ALDH3B1: variants seen among roughly 807,000 people sequenced by gnomAD.
The protein encoded by ALDH3B1 is aldehyde dehydrogenase 3 family member B1.
In ALDH3B1, 37 loss-of-function variants were observed where a neutral mutation model predicts 46.2. That is an observed-to-expected ratio of 0.80 (90% CI 0.62 to 1.05). The LOEUF is 1.05. ALDH3B1 is among the 50% of genes least tolerant of loss of function. ALDH3B1 has a pLI of 0.00. For synonymous variants in ALDH3B1, 283 were observed against 281.0 expected (o/e 1.01, Z -0.07); for missense variants, 603 against 665.5 (o/e 0.91, Z 1.03).
rs1857433629 is a variant in ALDH3B1, at chr11:68,019,363, C to G, written c.480+108C>G. On this transcript the variant is annotated intron_variant, in intron 5 of 9. Coordinates refer to ENST00000342456, the MANE Select transcript of ALDH3B1 (RefSeq NM_000694.4). Reference sequence around the variant, plus strand: ...GTCAGACCCGAGTCCCCACCTCAATCCTGCCTCTTCTGAGTTGTGTAAACT... The same window carrying G: ...GTCAGACCCGAGTCCCCACCTCAATGCTGCCTCTTCTGAGTTGTGTAAACT... The G allele has an allele frequency of 6.4e-6, 6 of 943,838 alleles. No homozygotes were observed. In the Admixed American group the frequency reaches 1.2e-4, roughly 19 times the overall value. The allele number at this position is 943,838 out of a possible 1,614,324, so 58.5% of individuals were successfully genotyped here.
In ALDH3B1 at chr11:68,023,254, C is replaced by T. The variant is rs181283301; in HGVS notation, c.1116+493C>T. On this transcript the variant is annotated intron_variant, in intron 8 of 9. Coordinates refer to ENST00000342456, the MANE Select transcript of ALDH3B1 (RefSeq NM_000694.4). The stretch of plus-strand genomic sequence containing the variant: ...AGGTACCAGCAGTCCCTACCCACCC[C>T]GCCCCCTTCCCCGGCCCTCAGCCAG... Among the ~76,000 whole-genome samples the T allele has an allele frequency of 1.1e-3, 166 of 152,134 alleles. 2 individuals are homozygous for T. Among genetic ancestry groups the T allele is most frequent in the African/African-American group, 3.9e-3 (160 of 41,502 alleles).
Position 68,027,890 on chromosome 11 carries a change from T to G in ALDH3B1, c.1358T>G (p.Met453Arg). The part of the protein sequence containing the change: ...YPPQSPRRLR[M>R]LLVAMEAQGC... ...CCGCAATCGCCGCGCCGCCTGAGGA[T>G]GCTGCTGGTGGCCATGGAGGCCCAA... is the stretch of plus-strand genomic sequence containing the variant. Residue 453 changes from methionine to arginine, a missense_variant, in exon 10 of 10, where the codon ATG becomes AGG. Coordinates refer to ENST00000342456, the MANE Select transcript of ALDH3B1 (RefSeq NM_000694.4). 6.4e-7 allele frequency: 1 copy of G among 1,562,618 alleles called. No homozygotes were observed. The highest frequency in any genetic ancestry group is 8.6e-7 in the Non-Finnish European group (1 of 1,156,786).
At chr11:68,020,901 G>A (rs995053402) in intron 6 of ALDH3B1, among the ~76,000 whole-genome samples, 1 of 152,202 alleles carries the variant, frequency 6.6e-6, no homozygotes, top group Admixed American at 6.5e-5. Flanking sequence ...GTGTGCATGC[G>A]GAGACTGCTG....
chr11:68,014,624 C>T (rs981995006), intron 1 of ALDH3B1, among the ~76,000 whole-genome samples: 1 of 152,194 alleles, frequency 6.6e-6, no homozygotes, highest in Non-Finnish European at 1.5e-5. Context: ...ACAGCCCCGG[C>T]AGGGTGGGCA....
intron 6 of ALDH3B1, among the ~76,000 whole-genome samples, chr11:68,020,817 G>A (rs992548846): frequency 1.3e-5 from 2 of 152,196 alleles, no homozygotes; most frequent in Admixed American, 1.3e-4. Flanking sequence ...CCCCACAGAC[G>A]CAGCAGCGTG....
rs761372423 is a variant in ALDH3B1, at chr11:68,021,836, T to C, written c.914T>C (p.Ile305Thr). The change falls in exon 7 of 10, where the codon ATT (isoleucine) becomes ACT (threonine). Residue 305 changes from isoleucine (I) to threonine (T), a missense_variant. Physicochemically the swap from Ile to Thr is moderately conservative, Grantham distance 89 (BLOSUM62 -1). Transcript: ENST00000342456. ...RALLGCGRVA[I>T]GGQSDESDRY... Reference sequence around the variant, plus strand: ...TTGCTGGGCTGCGGCCGTGTGGCCATTGGGGGCCAGAGCGATGAGAGCGAT... The same window carrying C: ...TTGCTGGGCTGCGGCCGTGTGGCCACTGGGGGCCAGAGCGATGAGAGCGAT... 3.1e-5 allele frequency: 50 copies of C among 1,613,348 alleles called. No homozygotes were observed. The highest frequency in any genetic ancestry group is 1.2e-4 in the Admixed American group (7 of 59,958).
At chr11:68,015,055 G>A (rs563502274) in intron 1 of ALDH3B1, 371 of 409,606 alleles carry the variant, frequency 9.1e-4, no homozygotes, top group Non-Finnish European at 1.3e-3. Flanking sequence ...TGGCAGAGGG[G>A]AGTGGTGCGA....
Position 68,015,403 on chromosome 11 carries a change from T to C in ALDH3B1, c.106T>C (p.Phe36Leu). The stretch of plus-strand genomic sequence containing the variant: ...TGCGCAGCTCCAAGGCCTGGGCCGC[T>C]TCCTGCAAGAAAACAAGCAGCTTCT... The part of the protein sequence containing the change: ...RAAQLQGLGR[F>L]LQENKQLLHD... Residue 36 changes from phenylalanine (F) to leucine (L), a missense_variant, in exon 2 of 10, where the codon TTC (phenylalanine) becomes CTC (leucine). Coordinates refer to ENST00000342456, the MANE Select transcript of ALDH3B1 (RefSeq NM_000694.4). The C allele has an allele frequency of 6.4e-7, 1 of 1,555,584 alleles. No individual in the cohort carries two copies. The highest frequency in any genetic ancestry group is 8.7e-7 in the Non-Finnish European group (1 of 1,149,976).
intron 8 of ALDH3B1, among the ~76,000 whole-genome samples, chr11:68,023,554 C>T (rs940385234): frequency 2.6e-5 from 4 of 151,960 alleles, no homozygotes; most frequent in Non-Finnish European, 5.9e-5. Context: ...ATCCACCTGC[C>T]TCGGCCTCCC....
At chr11:68,014,273 C>T (rs1857293814) in intron 1 of ALDH3B1, among the ~76,000 whole-genome samples, 1 of 152,104 alleles carries the variant, frequency 6.6e-6, no homozygotes, top group Admixed American at 6.5e-5. Flanking sequence ...CATGGCACAA[C>T]TCAGAACGCT....
Position 68,021,486 on chromosome 11 carries a change from G to A in ALDH3B1, c.564G>A (p.Gly188=). 1.2e-6 allele frequency: 2 copies of A among 1,608,226 alleles called. No homozygotes were observed. Among genetic ancestry groups the A allele is most frequent in the African/African-American group, 2.7e-5 (2 of 74,912 alleles). Residue 188 remains glycine, a splice_region_variant and synonymous_variant, in exon 7 of 10, where the codon GGG becomes GGA. Coordinates refer to ENST00000342456, the MANE Select transcript of ALDH3B1 (RefSeq NM_000694.4). The part of the protein sequence containing the change: ...EHRFDYIFFT[G]SPRVGKIVMT... ...ACTCTGGTTTCCTTCCATGCCCAGG[G>A]AGCCCTCGTGTGGGCAAGATTGTTA... is the stretch of plus-strand genomic sequence containing the variant.
At chr11:68,016,977 C>A (rs747619270) in intron 2 of ALDH3B1, 1 of 152,402 alleles carries the variant, frequency 6.6e-6, no homozygotes, top group Non-Finnish European at 1.5e-5. Flanking sequence ...CCTGGTCACC[C>A]CCCTGTCCCC....
In ALDH3B1 at chr11:68,021,568, C is replaced by A. The variant is rs1210448647; in HGVS notation, c.646C>A (p.Pro216Thr). Residue 216 changes from proline (P) to threonine (T), a missense_variant, in exon 7 of 10, where the codon CCT becomes ACT. Transcript: ENST00000342456. ...PVTLELGGKN[P>T]CYVDDNCDPQ... The stretch of plus-strand genomic sequence containing the variant: ...CACCCTGGAGCTGGGGGGCAAGAAC[C>A]CTTGCTACGTGGACGACAACTGCGA... 1 of 1,614,116 alleles carries A rather than the reference C, an allele frequency of 6.2e-7. No homozygotes were observed. Among genetic ancestry groups the A allele is most frequent in the Non-Finnish European group, 8.5e-7 (1 of 1,179,994 alleles).
chr11:68,020,275 C>T (rs1441869583), intron 6 of ALDH3B1, among the ~76,000 whole-genome samples: 2 of 152,202 alleles, frequency 1.3e-5, no homozygotes, highest in East Asian at 3.9e-4. Flanking sequence ...GTCACCCAGG[C>T]AGTGGCACAA....
At position 68,028,494 on chromosome 11, in the gene ALDH3B1, T is replaced by C. The variant is rs999348586; in HGVS notation, c.*555T>C. 2.4e-5 allele frequency: 5 copies of C among 208,656 alleles called. No homozygotes were observed. The highest frequency in any genetic ancestry group is 5.0e-5 in the Non-Finnish European group (5 of 99,542). 12.9% of individuals were successfully genotyped at this position (208,656 alleles called of 1,614,324 possible). On this transcript the variant is annotated 3_prime_UTR_variant, in exon 10 of 10. Coordinates refer to ENST00000342456, the MANE Select transcript of ALDH3B1 (RefSeq NM_000694.4). Reference sequence around the variant, plus strand: ...GAGTTCAAGATCAGCCTGGCTAACATGGCGAAACCCCGTCTCTACTAAAAA... The same window carrying C: ...GAGTTCAAGATCAGCCTGGCTAACACGGCGAAACCCCGTCTCTACTAAAAA...
chr11:68,021,178 G>T (rs895032931), intron 6 of ALDH3B1, among the ~76,000 whole-genome samples: 1 of 152,186 alleles, frequency 6.6e-6, no homozygotes. Flanking sequence ...AGAGTCCCCT[G>T]CAGGGTCAGC....
At chr11:68,027,273 T>G (rs1206372930) in intron 9 of ALDH3B1, among the ~76,000 whole-genome samples, 1 of 152,196 alleles carries the variant, frequency 6.6e-6, no homozygotes, top group Non-Finnish European at 1.5e-5. Flanking sequence ...CCACCCAGGC[T>G]GTGCTCTGAA....
rs548073091 is a variant in ALDH3B1, at chr11:68,019,663, G to A, written c.481-52G>A. Reference sequence around the variant, plus strand: ...TCCAGGCAGGGCGGGCTGCTCCCTTGTGTTCTCGGAGCTGGGGTCCCAGAA... The same window carrying A: ...TCCAGGCAGGGCGGGCTGCTCCCTTATGTTCTCGGAGCTGGGGTCCCAGAA... On this transcript the variant is annotated intron_variant, in intron 5 of 9. Coordinates refer to ENST00000342456, the MANE Select transcript of ALDH3B1 (RefSeq NM_000694.4). 1.6e-5 allele frequency: 26 copies of A among 1,591,584 alleles called. No homozygotes were observed. The East Asian group carries it at 5.1e-4, about 31-fold the overall frequency.
chr11:68,019,563 T>C (rs1247458154), intron 5 of ALDH3B1, among the ~76,000 whole-genome samples, 152 bp from the exon 6 acceptor site: 1 of 152,070 alleles, frequency 6.6e-6, no homozygotes, highest in Non-Finnish European at 1.5e-5. Context: ...AGCTCCCTTC[T>C]CCCCACTTTG....
Sources: gnomAD v4.1 joint callset for allele counts (sites outside exome capture counted in the v4.1 genomes callset) on GRCh38, gnomAD v4.1.1 for gene constraint, MANE v1.5 for transcripts, NCBI Gene and HGNC (gene_info 2026-07-23, HGNC 2026-07-21) for gene names.